SHROOM3: variants seen among roughly 807,000 people sequenced by gnomAD.
The protein encoded by SHROOM3 is protein Shroom3.
Under a neutral mutation model 138.6 loss-of-function variants are expected in SHROOM3, and 47 were observed. The ratio of observed to expected loss-of-function variants is 0.34; its 90% CI spans 0.27 to 0.43. SHROOM3 has a LOEUF of 0.43. Ranked by LOEUF, SHROOM3 falls within the 20% of genes least tolerant of loss-of-function variation. The pLI is 1.00. For synonymous variants in SHROOM3, 1,062 were observed against 1,063.3 expected (o/e 1.00, Z 0.02); for missense variants, 2,491 against 2,596.5 (o/e 0.96, Z 0.88).
At chr4:76,659,603 C>T (rs1560582800) in intron 2 of SHROOM3, among the ~76,000 whole-genome samples, 1 of 152,132 alleles carries the variant, frequency 6.6e-6, no homozygotes, top group Non-Finnish European at 1.5e-5. Flanking sequence ...TATTTATGAG[C>T]TAGAGTCTCA....
At chr4:76,496,675 A>C (rs944873225) in intron 1 of SHROOM3, among the ~76,000 whole-genome samples, 2 of 152,198 alleles carry the variant, frequency 1.3e-5, no homozygotes, top group Admixed American at 6.5e-5. Flanking sequence ...TGAAGAATGA[A>C]GAGTGCCATG....
At chr4:76,713,064 G>A (rs1449930316) in intron 3 of SHROOM3, among the ~76,000 whole-genome samples, 1 of 152,254 alleles carries the variant, frequency 6.6e-6, no homozygotes, top group Non-Finnish European at 1.5e-5. Context: ...AGGAATGGCA[G>A]TTGCTCTGGG....
chr4:76,635,611 G>A (rs912164308), intron 2 of SHROOM3, among the ~76,000 whole-genome samples: 4 of 152,142 alleles, frequency 2.6e-5, no homozygotes, highest in African/African-American at 9.7e-5. Context: ...AGGTCTGAAA[G>A]GCCTCTGGAG....
intron 1 of SHROOM3, among the ~76,000 whole-genome samples, chr4:76,507,011 G>T (rs140796002): frequency 6.6e-6 from 1 of 152,018 alleles, no homozygotes; most frequent in Non-Finnish European, 1.5e-5. Flanking sequence ...ACTAAAAAAC[G>T]GAACCTTGTT....
chr4:76,440,843 CATTATAA>C lies in SHROOM3; in HGVS notation c.168+4626_168+4632del, dbSNP rs1730653818. On this transcript the variant is annotated intron_variant, in intron 1 of 10. Coordinates refer to ENST00000296043, the MANE Select transcript of SHROOM3 (RefSeq NM_020859.4). ...TAGCTGGACTATCTCTATGCCATCT[CATTATAA>C]ATCTTGCTGGTTCCATCTTCCACAC... 1.3e-5 allele frequency among the ~76,000 whole-genome samples: 2 copies of C among 152,120 alleles called. 1 individual carries two copies. Among genetic ancestry groups the C allele is most frequent in the South Asian group, 4.1e-4 (2 of 4,820 alleles).
intron 2 of SHROOM3, among the ~76,000 whole-genome samples, chr4:76,672,419 CA>C (rs35488837): frequency 0.56 from 71,094 of 127,134 alleles, 18,703 homozygotes; most frequent in Middle Eastern, 0.63. Context: ...AATTAGGGAC[CA>C]AAAAAAAAAA....
At chr4:76,662,632 C>T (rs755333935) in intron 2 of SHROOM3, among the ~76,000 whole-genome samples, 18 of 152,158 alleles carry the variant, frequency 1.2e-4, no homozygotes, top group Admixed American at 3.3e-4. Context: ...AGAATTCTGC[C>T]TACCATAGCA....
rs140121305 is a variant in SHROOM3 at position 76,735,391 on chromosome 4, C to T, written c.588-3370C>T. ...GAATGGTAATTCTGAAGGGACAGAA[C>T]CCTCTCCGGGCAGGAGGGAAAATAC... On this transcript the variant is annotated intron_variant, in intron 4 of 10. Coordinates refer to ENST00000296043, the MANE Select transcript of SHROOM3 (RefSeq NM_020859.4). Among the ~76,000 whole-genome samples, 594 of 152,206 alleles carry T rather than the reference C, an allele frequency of 3.9e-3. 1 individual carries two copies. Among genetic ancestry groups the T allele is most frequent in the Middle Eastern group, 0.014 (4 of 294 alleles).
At chr4:76,633,893 C>T (rs1735415704) in intron 2 of SHROOM3, among the ~76,000 whole-genome samples, 2 of 152,016 alleles carry the variant, frequency 1.3e-5, no homozygotes, top group African/African-American at 4.8e-5. Context: ...AGGGAGACTC[C>T]GGAAAGGAAA....
intron 2 of SHROOM3, among the ~76,000 whole-genome samples, chr4:76,700,582 T>C (rs1328543910): frequency 6.6e-6 from 1 of 152,126 alleles, no homozygotes; most frequent in East Asian, 1.9e-4. Flanking sequence ...TTGGCTTTCT[T>C]CCCATTAATT....
intron 1 of SHROOM3, among the ~76,000 whole-genome samples, chr4:76,437,776 T>C (rs536879685): frequency 2.0e-5 from 3 of 152,230 alleles, no homozygotes; most frequent in Non-Finnish European, 4.4e-5. Context: ...GAGGGCATGG[T>C]TGCTGAATAA....
intron 7 of SHROOM3, 103 bp downstream of exon 7, chr4:76,755,295 A>C: frequency 7.4e-7 from 1 of 1,356,716 alleles, no homozygotes; most frequent in Non-Finnish European, 1.0e-6. Flanking sequence ...TGGCATGGAG[A>C]TGTTTCTATA....
At chr4:76,472,802 A>T (rs909199545) in intron 1 of SHROOM3, among the ~76,000 whole-genome samples, 11 of 151,654 alleles carry the variant, frequency 7.3e-5, no homozygotes, top group Non-Finnish European at 1.5e-4. Flanking sequence ...TCAAGCGATT[A>T]TTCTGCCTCA....
At chr4:76,654,793 A>G (rs1362066111) in intron 2 of SHROOM3, among the ~76,000 whole-genome samples, 1 of 152,224 alleles carries the variant, frequency 6.6e-6, no homozygotes, top group African/African-American at 2.4e-5. Context: ...TATAGGAAAT[A>G]TATAGTGATG....
At chr4:76,441,420 A>G (rs1730680466) in intron 1 of SHROOM3, among the ~76,000 whole-genome samples, 1 of 152,054 alleles carries the variant, frequency 6.6e-6, no homozygotes, top group Non-Finnish European at 1.5e-5. Context: ...ATGGATTTTT[A>G]GGCAGTTCCC....
chr4:76,608,884 G>A (rs1428986549), intron 2 of SHROOM3, among the ~76,000 whole-genome samples: 1 of 152,172 alleles, frequency 6.6e-6, no homozygotes, highest in Non-Finnish European at 1.5e-5. Context: ...ACTTGGGTGA[G>A]TTAATACATG....
At chr4:76,554,874 C>T (rs1049562666) in intron 1 of SHROOM3, among the ~76,000 whole-genome samples, 3 of 152,032 alleles carry the variant, frequency 2.0e-5, no homozygotes, top group Non-Finnish European at 4.4e-5. Context: ...CATAACCACC[C>T]GAGCTCTGCC....
intron 1 of SHROOM3, among the ~76,000 whole-genome samples, chr4:76,467,008 A>G (rs893962827): frequency 6.7e-6 from 1 of 150,020 alleles, no homozygotes; most frequent in Non-Finnish European, 1.5e-5. Context: ...GATGCTTTTT[A>G]TATATATTAT....
intron 3 of SHROOM3, among the ~76,000 whole-genome samples, chr4:76,713,216 A>G (rs1330427249): frequency 6.6e-6 from 1 of 152,170 alleles, no homozygotes; most frequent in African/African-American, 2.4e-5. Flanking sequence ...AAACTTTTAA[A>G]CTTTTAAAAA....
Sources: allele counts gnomAD v4.1 joint callset (sites outside exome capture counted in the v4.1 genomes callset), GRCh38; gene constraint gnomAD v4.1.1; transcripts MANE v1.5; gene names NCBI Gene and HGNC (gene_info 2026-07-23, HGNC 2026-07-21).